NINL: variants seen among roughly 807,000 people sequenced by gnomAD.
NINL encodes ninein like.
NINL carries 153 observed loss-of-function variants against 160.3 expected under a neutral mutation model. That is an observed-to-expected ratio of 0.95 (90% CI 0.84 to 1.09). NINL has a LOEUF of 1.09. NINL is among the 50% of genes least tolerant of loss of function. The pLI is 0.00. For missense variants in NINL, 1,829 were observed against 1,764.0 expected (o/e 1.04, Z -0.66); for synonymous variants, 800 against 734.8 (o/e 1.09, Z -1.43).
At position 25,491,380 on chromosome 20, in the gene NINL, G is replaced by C. The variant is rs779918719; in HGVS notation, c.1456C>G (p.Leu486Val). Residue 486 changes from leucine to valine, a missense_variant, in exon 11 of 24, where the codon CTC becomes GTC. Leu to Val is a conservative substitution (Grantham distance 32). Coordinates refer to ENST00000278886, the MANE Select transcript of NINL (RefSeq NM_025176.6). ...AGGGCCAGGGTCAGCTTCTCGCGGA[G>C]GCCAGCCTCCTCAGCCTGCAGGCGC... ...VGRLQAEEAG[L>V]REKLTLALKE... 6.2e-7 allele frequency: 1 copy of C among 1,611,088 alleles called. No homozygotes were observed. Among genetic ancestry groups the C allele is most frequent in the Non-Finnish European group, 8.5e-7 (1 of 1,179,734 alleles).
At chr20:25,551,056 G>C (rs1013341710) in intron 1 of NINL, among the ~76,000 whole-genome samples, 1 of 152,196 alleles carries the variant, frequency 6.6e-6, no homozygotes, top group Non-Finnish European at 1.5e-5. Flanking sequence ...TTGTGTCCCT[G>C]GGTACTTGAG....
Position 25,471,479 on chromosome 20 carries a change from C to T in NINL, c.3249-1384G>A, listed in dbSNP as rs562912749. 7.9e-5 allele frequency among the ~76,000 whole-genome samples: 12 copies of T among 152,186 alleles called. No homozygotes were observed. The East Asian group carries it at 1.2e-3, about 15-fold the overall frequency. ...AATGGAGAACAAGTTGATGCAAGGC[C>T]GAAAGCTGAGGGGTGCCCTACCCCA... On this transcript the variant is annotated intron_variant, in intron 17 of 23. Coordinates refer to ENST00000278886, the MANE Select transcript of NINL (RefSeq NM_025176.6).
intron 2 of NINL, among the ~76,000 whole-genome samples, chr20:25,523,980 T>C (rs1261118714): frequency 6.6e-6 from 1 of 152,220 alleles, no homozygotes; most frequent in Non-Finnish European, 1.5e-5. Context: ...TCCATTCTCC[T>C]GGATAAAGGG....
At chr20:25,489,027 C>A in intron 13 of NINL, 1 of 574,742 alleles carries the variant, frequency 1.7e-6, no homozygotes, top group Non-Finnish European at 3.1e-6. Context: ...CAACAATGCC[C>A]TGCATGGTCC....
At chr20:25,527,504 G>T (rs537974191) in intron 1 of NINL, among the ~76,000 whole-genome samples, 1 of 151,652 alleles carries the variant, frequency 6.6e-6, no homozygotes, top group East Asian at 1.9e-4. Context: ...TCCTTACAAG[G>T]GTTTCTGTTT....
Position 25,552,506 on chromosome 20 carries a change from G to A in NINL, c.-11-25908C>T, listed in dbSNP as rs553641936. Among the ~76,000 whole-genome samples, 3 of 152,244 alleles carry A rather than the reference G, an allele frequency of 2.0e-5. No homozygotes were observed. In the South Asian group the frequency reaches 6.2e-4, roughly 32 times the overall value. On this transcript the variant is annotated intron_variant, in intron 1 of 23. Transcript: ENST00000278886. ...TCTGGATTTGTAAGGCCAATTGCAT[G>A]TTTATCCTATTAATCAAACAGTGAT...
intron 1 of NINL, among the ~76,000 whole-genome samples, chr20:25,570,699 T>C (rs2065044527): frequency 1.8e-5 from 2 of 113,750 alleles, no homozygotes; most frequent in South Asian, 5.4e-4. Context: ...GTAGACTTTT[T>C]TTTTTTTTTT....
rs527326098 is a variant in NINL, at chr20:25,517,206, G to A, written c.277+547C>T. Reference sequence around the variant, plus strand: ...TCCTGCTGTGAGACACGAGGGAAGTGCTCCCTATGTGACACACTAAATAAT... The same window carrying A: ...TCCTGCTGTGAGACACGAGGGAAGTACTCCCTATGTGACACACTAAATAAT... On this transcript the variant is annotated intron_variant, in intron 3 of 23. Transcript: ENST00000278886. 9.2e-5 allele frequency among the ~76,000 whole-genome samples: 14 copies of A among 152,164 alleles called. No individual in the cohort carries two copies. In the South Asian group the frequency reaches 1.2e-3, roughly 14 times the overall value.
intron 17 of NINL, among the ~76,000 whole-genome samples, chr20:25,470,771 G>A (rs2063075342): frequency 6.6e-6 from 1 of 152,164 alleles, no homozygotes; most frequent in South Asian, 2.1e-4. Flanking sequence ...GAGGCAGGAA[G>A]ACTGCTTGAG....
chr20:25,553,958 A>C (rs1046580795), intron 1 of NINL, among the ~76,000 whole-genome samples: 1 of 152,266 alleles, frequency 6.6e-6, no homozygotes, highest in African/African-American at 2.4e-5. Context: ...GACAGCAGCC[A>C]ACAGCTGCAA....
intron 21 of NINL, among the ~76,000 whole-genome samples, chr20:25,460,011 C>T (rs541504326): frequency 6.6e-5 from 10 of 152,258 alleles, no homozygotes; most frequent in Admixed American, 4.6e-4. Flanking sequence ...CTGTCCTTCC[C>T]GTGGAGAGGG....
In NINL at chr20:25,453,501, C is replaced by T. The variant is rs1474968202; in HGVS notation, c.4099G>A (p.Ala1367Thr). ...QSRLLEEKVR[A>T]LNKLVSRIAP... is the part of the protein sequence containing the mutation. ...ATCCTACTGACGAGTTTGTTGAGAGCGCGAACTTTTTCTTCCAAGAGGCGG... is the reference window on the plus strand; with the variant it reads ...ATCCTACTGACGAGTTTGTTGAGAGTGCGAACTTTTTCTTCCAAGAGGCGG... The change falls in exon 24 of 24, where the codon GCT becomes ACT. Residue 1367 changes from alanine (A) to threonine (T), a missense_variant. Physicochemically the swap from Ala to Thr is moderately conservative, Grantham distance 58 (BLOSUM62 0). Transcript: ENST00000278886. The T allele has an allele frequency of 6.8e-6, 11 of 1,613,932 alleles. No homozygotes were observed. The highest frequency in any genetic ancestry group is 9.3e-6 in the Non-Finnish European group (11 of 1,179,910).
chr20:25,525,392 T>C (rs409888), intron 2 of NINL, among the ~76,000 whole-genome samples: 4,126 of 152,304 alleles, frequency 0.027, 178 homozygotes, highest in African/African-American at 0.09. Flanking sequence ...TGGCTCATAC[T>C]TGTAATCATA....
At chr20:25,531,038 G>C (rs1422963843) in intron 1 of NINL, among the ~76,000 whole-genome samples, 1 of 152,156 alleles carries the variant, frequency 6.6e-6, no homozygotes, top group Non-Finnish European at 1.5e-5. Flanking sequence ...AGCCACAAAA[G>C]ACGGCTGCAC....
In NINL at chr20:25,476,055, C is replaced by CA. The variant is rs780764167; in HGVS notation, c.3235_3236insT (p.Arg1079MetfsTer10). The CA allele has an allele frequency of 1.2e-6, 2 of 1,612,774 alleles. No homozygotes were observed. The highest frequency in any genetic ancestry group is 2.7e-5 in the African/African-American group (2 of 74,840). On this transcript the variant is annotated frameshift_variant, in exon 17 of 24. Transcript: ENST00000278886. LOFTEE classifies it high-confidence loss of function. ...GTAGAAGGCAAACCTGTCGTTCTCT[C>CA]TCAAATCTACATGTTTCTCCAGAGC...
chr20:25,491,834 G>C (rs958735643), intron 10 of NINL, among the ~76,000 whole-genome samples: 2 of 152,218 alleles, frequency 1.3e-5, no homozygotes, highest in Admixed American at 1.3e-4. Flanking sequence ...CCTCCACCCG[G>C]TGTGCATGGC....
At chr20:25,456,262 A>AAAAAAAAAAAAAAAAAAAAAT (rs2090675789) in intron 22 of NINL, among the ~76,000 whole-genome samples, 1 of 150,042 alleles carries the variant, frequency 6.7e-6, no homozygotes, top group Non-Finnish European at 1.5e-5. Context: ...AAAAAAAAAA[A>AAAAAAAAAAAAAAAAAAAAAT]AAAAGCCAGG....
chr20:25,470,176 C>T, intron 17 of NINL, 81 bp from the exon 18 acceptor site: 1 of 1,089,366 alleles, frequency 9.2e-7, no homozygotes, highest in Non-Finnish European at 1.4e-6. Flanking sequence ...AGCGGGGAGT[C>T]CTGAGAACTG....
At chr20:25,520,622 C>T (rs1163114538) in intron 2 of NINL, among the ~76,000 whole-genome samples, 1 of 152,200 alleles carries the variant, frequency 6.6e-6, no homozygotes, top group Non-Finnish European at 1.5e-5. Flanking sequence ...CTCACAGAGG[C>T]ATTCTTTCAC....
Sources: allele counts gnomAD v4.1 joint callset (sites outside exome capture counted in the v4.1 genomes callset), GRCh38; gene constraint gnomAD v4.1.1; transcripts MANE v1.5; gene names NCBI Gene and HGNC (gene_info 2026-07-23, HGNC 2026-07-21).